The following CHERP variants were observed in gnomAD, a reference collection of about 807,000 sequenced individuals.
CHERP encodes calcium homeostasis endoplasmic reticulum protein, also known as ERPROT 213-21.
CHERP carries 8 observed loss-of-function variants against 113.8 expected under a neutral mutation model. That is an observed-to-expected ratio of 0.07 (90% confidence interval 0.04 to 0.13). CHERP has a LOEUF of 0.13. Among genes scored for constraint, CHERP ranks in the 10% least tolerant of loss-of-function variants. The probability of loss-of-function intolerance (pLI) is 1.00; values close to 1 mark genes in which losing one functional copy is unlikely to be tolerated. For missense variants in CHERP, 884 were observed against 1,298.2 expected, an observed-to-expected ratio of 0.68 and a Z score of 4.90; for synonymous variants, 559 against 524.5, an observed-to-expected ratio of 1.07 and a Z score of -0.90.
chr19:16,538,848 T>C (rs1479423230), intron 2 of CHERP, among the ~76,000 whole-genome samples: 3 of 144,508 alleles, frequency 2.1e-5, no homozygotes, highest in Non-Finnish European at 4.5e-5. Flanking sequence ...CCGTCTGAGG[T>C]GTCTTCCTCC....
At chr19:16,527,392 G>A (rs934228641) in intron 9 of CHERP, among the ~76,000 whole-genome samples, 1 of 152,198 alleles carries the variant, frequency 6.6e-6, no homozygotes, top group Non-Finnish European at 1.5e-5. Context: ...CAACCACCAA[G>A]TCTCAGTCCA....
chr19:16,531,637 G>A (rs149806474), intron 5 of CHERP, among the ~76,000 whole-genome samples: 3 of 152,358 alleles, frequency 2.0e-5, no homozygotes, highest in East Asian at 1.9e-4. Flanking sequence ...CTAGAGAGGC[G>A]CGTGGCTGGA....
chr19:16,536,880 C>G (rs12461279), intron 2 of CHERP, among the ~76,000 whole-genome samples: 1 of 152,036 alleles, frequency 6.6e-6, no homozygotes. Flanking sequence ...GGCGTGGTGG[C>G]GGGCACCTGT....
rs949821716 is a variant in CHERP at position 16,531,512 on chromosome 19, C to T, written c.675-632G>A. The stretch of plus-strand genomic sequence containing the variant: ...GGAGATGGCTGCCCCTGGGGAGGGA[C>T]GCAAGACAGGAGGGGAGCAGCTGGA... On this transcript the variant is annotated intron_variant, in intron 5 of 16. Coordinates refer to ENST00000546361, the MANE Select transcript of CHERP (RefSeq NM_006387.6). Among the ~76,000 whole-genome samples the T allele has an allele frequency of 8.5e-5, 13 of 152,160 alleles. No individual in the cohort carries two copies. The East Asian group carries it at 1.2e-3, about 14-fold the overall frequency.
chr19:16,540,628 C>T (rs1239717173), intron 2 of CHERP, among the ~76,000 whole-genome samples: 2 of 151,674 alleles, frequency 1.3e-5, no homozygotes, highest in Non-Finnish European at 2.9e-5. Context: ...CCGCTTCAGC[C>T]TCCCAAAGTG....
intron 2 of CHERP, chr19:16,539,851 C>G (rs1008113486): frequency 6.6e-6 from 1 of 152,212 alleles, no homozygotes; most frequent in East Asian, 1.9e-4. Context: ...AGGGGGTCAC[C>G]ATACTGACAC....
At chr19:16,538,370 C>T (rs1052115417) in intron 2 of CHERP, among the ~76,000 whole-genome samples, 6 of 152,206 alleles carry the variant, frequency 3.9e-5, no homozygotes, top group African/African-American at 1.4e-4. Flanking sequence ...TTACATCTAG[C>T]CAAGATATCA....
rs2122268200 is a variant in CHERP, at chr19:16,530,491, G to T, written c.876+94C>A. 1 of 1,144,280 alleles carries T rather than the reference G, an allele frequency of 8.7e-7. No homozygotes were observed. Among genetic ancestry groups the T allele is most frequent in the Non-Finnish European group, 1.3e-6 (1 of 761,612 alleles). 70.9% of individuals were successfully genotyped at this position (1,144,280 alleles called of 1,614,324 possible). The stretch of plus-strand genomic sequence containing the variant: ...GGCAGGGGACATGGGCTCTCTGGCT[G>T]CTGGGGTGGCAGCTGCTGTCCCCAC... On this transcript the variant is annotated intron_variant, in intron 7 of 16. Transcript: ENST00000546361. The surrounding 1 kb of genome is among the most constrained non-coding windows in gnomAD (Gnocchi z 4.1).
rs2085604669 is a variant in CHERP at position 16,520,676 on chromosome 19, G to A, written c.2201+150C>T. ...CCTAAATAGTGTGGCCGAGCCTGCT[G>A]CTGTGTGAATTCAGGCCTTGTGGAA... On this transcript the variant is annotated intron_variant, in intron 13 of 16. Transcript: ENST00000546361. This position sits in a 1 kb window ranked among gnomAD's most constrained non-coding sequence, Gnocchi z 4.0. 2.7e-6 allele frequency: 3 copies of A among 1,127,450 alleles called. No homozygotes were observed. The highest frequency in any genetic ancestry group is 2.7e-5 in the South Asian group (2 of 74,926). The allele number at this position is 1,127,450 out of a possible 1,614,324, so 69.8% of individuals were successfully genotyped here.
Position 16,528,168 on chromosome 19 carries a change from C to T in CHERP, c.1217G>A (p.Arg406Gln), listed in dbSNP as rs766515661. ...GATCTGGTCGTGTGGCCCGGGGCCC[C>T]GGGGGCCGGCAGCTGCAGGATCCTG... ...GVQDPAAAGP[R>Q]GPGPHDQIPP... The change falls in exon 9 of 17, where the codon CGG (arginine) becomes CAG (glutamine). Residue 406 changes from arginine (R) to glutamine (Q), a missense_variant. Physicochemically the swap from Arg to Gln is conservative, Grantham distance 43. Around this residue, in one of 8 missense-constraint regions of CHERP, gnomAD observed 464 missense variants for 590.1 expected, o/e 0.79. Transcript: ENST00000546361. 69 of 1,612,934 alleles carry T rather than the reference C, an allele frequency of 4.3e-5. No individual in the cohort carries two copies. Among genetic ancestry groups the T allele is most frequent in the Admixed American group, 1.7e-4 (10 of 59,926 alleles).
chr19:16,529,966 G>A, intron 7 of CHERP, 66 bp from the exon 8 acceptor site: 1 of 1,543,794 alleles, frequency 6.5e-7, no homozygotes, highest in Non-Finnish European at 8.7e-7. Context: ...GGCGCCAGAG[G>A]ACAAACGCCT....
rs73514916 is a variant in CHERP, at chr19:16,535,326, C to T, written c.384+126G>A. On this transcript the variant is annotated intron_variant, in intron 3 of 16. Coordinates refer to ENST00000546361, the MANE Select transcript of CHERP (RefSeq NM_006387.6). This position sits in a 1 kb window ranked among gnomAD's most constrained non-coding sequence, Gnocchi z 4.3. ...GGGGGTGACAGTGGCTGACATGCAC[C>T]GAGCCCTGGGTGGCAGGGGGGGCCC... The T allele has an allele frequency of 2.9e-5, 29 of 1,000,100 alleles. No homozygotes were observed. The highest frequency in any genetic ancestry group is 1.8e-4 in the Admixed American group (8 of 44,414). 62.0% of individuals were successfully genotyped at this position (1,000,100 alleles called of 1,614,324 possible). A position where few individuals can be genotyped will look rare whatever the true frequency, so the allele number is the denominator to read the frequency against.
At chr19:16,541,653 G>C in intron 2 of CHERP, 1 of 508,172 alleles carries the variant, frequency 2.0e-6, no homozygotes. Context: ...AGAGCCCAGG[G>C]GGGAGGATCG....
At position 16,532,823 on chromosome 19, in the gene CHERP, C is replaced by T. The variant is rs1004516220; in HGVS notation, c.523-74G>A. 1.9e-5 allele frequency: 29 copies of T among 1,559,838 alleles called. No individual in the cohort carries two copies. The highest frequency in any genetic ancestry group is 4.8e-5 in the South Asian group (4 of 83,030). On this transcript the variant is annotated intron_variant, in intron 4 of 16. Coordinates refer to ENST00000546361, the MANE Select transcript of CHERP (RefSeq NM_006387.6). This position sits in a 1 kb window ranked among gnomAD's most constrained non-coding sequence, Gnocchi z 4.4. The stretch of plus-strand genomic sequence containing the variant: ...GGCACCCACTGCATCCCTGAGAGCG[C>T]GTCACCATCAGCTCAGGGAAGGACA...
intron 11 of CHERP, among the ~76,000 whole-genome samples, chr19:16,522,596 C>A (rs1479014363): frequency 6.6e-6 from 1 of 152,172 alleles, no homozygotes; most frequent in Non-Finnish European, 1.5e-5. Flanking sequence ...TTGCCCTATG[C>A]TCCGGCCATC....
Position 16,532,373 on chromosome 19 carries a change from G to T in CHERP, c.674+225C>A. 1.8e-6 allele frequency: 1 copy of T among 543,464 alleles called. No individual in the cohort carries two copies. The highest frequency in any genetic ancestry group is 3.2e-6 in the Non-Finnish European group (1 of 309,556). 33.7% of individuals were successfully genotyped at this position (543,464 alleles called of 1,614,324 possible). On this transcript the variant is annotated intron_variant, in intron 5 of 16. Coordinates refer to ENST00000546361, the MANE Select transcript of CHERP (RefSeq NM_006387.6). This position sits in a 1 kb window ranked among gnomAD's most constrained non-coding sequence, Gnocchi z 4.4. ...ACAGGTGAGGCCGGGGTCTAGGGGAGAGGACAGGGCATGCAGCGAAGGTGC... is the reference window on the plus strand; with the variant it reads ...ACAGGTGAGGCCGGGGTCTAGGGGATAGGACAGGGCATGCAGCGAAGGTGC...
In CHERP at chr19:16,532,255, C is replaced by T; in HGVS notation, c.674+343G>A. 4.0e-6 allele frequency: 1 copy of T among 252,892 alleles called. No homozygotes were observed. Among genetic ancestry groups the T allele is most frequent in the Non-Finnish European group, 7.7e-6 (1 of 129,790 alleles). The allele number at this position is 252,892 out of a possible 1,614,324, so 15.7% of individuals were successfully genotyped here. On this transcript the variant is annotated intron_variant, in intron 5 of 16. Transcript: ENST00000546361. This position sits in a 1 kb window ranked among gnomAD's most constrained non-coding sequence, Gnocchi z 4.4. Reference sequence around the variant, plus strand: ...GAGACAGACACAGAGGCCAAGGAGGCCGTGGCTGAGAAGGCAACAAGGAGA... The same window carrying T: ...GAGACAGACACAGAGGCCAAGGAGGTCGTGGCTGAGAAGGCAACAAGGAGA...
At chr19:16,537,235 C>T (rs117366977) in intron 2 of CHERP, among the ~76,000 whole-genome samples, 2,795 of 150,082 alleles carry the variant, frequency 0.019, 44 homozygotes, top group South Asian at 0.055. Context: ...CCGGGCCTGT[C>T]GCAGGTGCTT....
At chr19:16,538,377 AT>A (rs1013410445) in intron 2 of CHERP, among the ~76,000 whole-genome samples, 7 of 152,190 alleles carry the variant, frequency 4.6e-5, no homozygotes, top group Non-Finnish European at 1.5e-5. Flanking sequence ...TAGCCAAGAT[AT>A]CATCACCCAC....
Sources: allele counts gnomAD v4.1 joint callset (sites outside exome capture counted in the v4.1 genomes callset), GRCh38; gene constraint gnomAD v4.1.1; regional missense constraint gnomAD v4.1.1; non-coding constraint Gnocchi (gnomAD v3.1); transcripts MANE v1.5; gene names NCBI Gene and HGNC (gene_info 2026-07-23, HGNC 2026-07-21).